The following SERPINB5 variants were observed in gnomAD, a reference collection of about 807,000 sequenced individuals.
SERPINB5 encodes serpin B5.
Under a neutral mutation model 32.2 loss-of-function variants are expected in SERPINB5, and 27 were observed. That is an observed-to-expected ratio of 0.84 (90% CI 0.62 to 1.16). The LOEUF is 1.16. SERPINB5 is among the 50% of genes most tolerant of loss of function. SERPINB5 has a pLI of 0.00. For missense variants in SERPINB5, 388 were observed against 436.3 expected (o/e 0.89, Z 0.99); for synonymous variants, 154 against 157.4 (o/e 0.98, Z 0.16).
intron 5 of SERPINB5, among the ~76,000 whole-genome samples, chr18:63,495,581 A>G (rs1160598091): frequency 2.6e-5 from 4 of 152,246 alleles, no homozygotes; most frequent in Admixed American, 1.3e-4. Context: ...AAATGTTGCA[A>G]TAGTCAATGA....
chr18:63,484,745 T>A, intron 2 of SERPINB5, 149 bp downstream of exon 2: 3 of 438,064 alleles, frequency 6.8e-6, no homozygotes, highest in Non-Finnish European at 1.1e-5. Flanking sequence ...CTTAATCTTT[T>A]TTTTTTTTTT....
intron 5 of SERPINB5, chr18:63,493,425 G>A (rs1909382155): frequency 1.9e-6 from 1 of 525,764 alleles, no homozygotes; most frequent in Non-Finnish European, 3.3e-6. Flanking sequence ...ACCAAACTCT[G>A]TTATCAGAGG....
Position 63,484,576 on chromosome 18 carries a change from A to G in SERPINB5, c.148A>G (p.Thr50Ala). 2 of 1,613,402 alleles carry G rather than the reference A, an allele frequency of 1.2e-6. No individual in the cohort carries two copies. The highest frequency in any genetic ancestry group is 8.5e-7 in the Non-Finnish European group (1 of 1,179,858). Residue 50 changes from threonine (T) to alanine (A), a missense_variant, in exon 2 of 7, where the codon ACT (threonine) becomes GCT (alanine). Transcript: ENST00000382771. ...SLAQVGAKGD[T>A]ANEIGQVLHF... ...TGCTCAAGTGGGTGCTAAAGGTGACACTGCAAATGAAATTGGACAGGTAAG... is the reference window on the plus strand; with the variant it reads ...TGCTCAAGTGGGTGCTAAAGGTGACGCTGCAAATGAAATTGGACAGGTAAG...
At chr18:63,487,131 G>T in intron 3 of SERPINB5, 48 bp downstream of exon 3, 1 of 1,588,126 alleles carries the variant, frequency 6.3e-7, no homozygotes, top group Non-Finnish European at 8.6e-7. Flanking sequence ...TACAAGGAGT[G>T]GCATTTTCAT....
chr18:63,484,739 A>ATATTTTT (rs1474564506), intron 2 of SERPINB5, 143 bp downstream of exon 2: 20 of 144,806 alleles, frequency 1.4e-4, no homozygotes, highest in African/African-American at 5.7e-4. Context: ...GACTCTCTTA[A>ATATTTTT]TCTTTTTTTT....
Position 63,503,836 on chromosome 18 carries a change from C to G in SERPINB5, c.*114C>G. 1 of 1,092,286 alleles carries G rather than the reference C, an allele frequency of 9.2e-7. No individual in the cohort carries two copies. The highest frequency in any genetic ancestry group is 1.6e-5 in the African/African-American group (1 of 63,796). The allele number at this position is 1,092,286 out of a possible 1,614,324, so 67.7% of individuals were successfully genotyped here. A position where few individuals can be genotyped will look rare whatever the true frequency, so the allele number is the denominator to read the frequency against. ...CAATAAATTGCTAATGTTGCTGGAT[C>G]AGGAAGCCGCCAGTACTTGTCATAT... On this transcript the variant is annotated 3_prime_UTR_variant, in exon 7 of 7. Coordinates refer to ENST00000382771, the MANE Select transcript of SERPINB5 (RefSeq NM_002639.5).
At chr18:63,500,750 T>A (rs1909553896) in intron 6 of SERPINB5, among the ~76,000 whole-genome samples, 1 of 152,154 alleles carries the variant, frequency 6.6e-6, no homozygotes, top group African/African-American at 2.4e-5. Flanking sequence ...TCACTTGCTA[T>A]ATATCCACAT....
intron 1 of SERPINB5, among the ~76,000 whole-genome samples, chr18:63,478,040 T>A (rs1224954900): frequency 1.3e-5 from 2 of 152,196 alleles, no homozygotes; most frequent in Admixed American, 6.5e-5. Flanking sequence ...AGGTTTTCGA[T>A]AATGGGTTCC....
intron 3 of SERPINB5, among the ~76,000 whole-genome samples, chr18:63,488,802 G>A (rs559645437): frequency 6.6e-6 from 1 of 152,316 alleles, no homozygotes; most frequent in South Asian, 2.1e-4. Context: ...TTAATTTGCA[G>A]ATGGCACACC....
chr18:63,501,421 G>T (rs9947022), intron 6 of SERPINB5, among the ~76,000 whole-genome samples: 3 of 151,730 alleles, frequency 2.0e-5, no homozygotes, highest in Admixed American at 1.3e-4. Context: ...TATGGGCCAC[G>T]TTTTCTTAAT....
chr18:63,503,899 A>G lies in SERPINB5; in HGVS notation c.*177A>G. ...CAGATAGACCTTTTTTTTTTTTCCAATTCTATCTTTTGTTTCCTTTTTTCC... is the reference window on the plus strand; with the variant it reads ...CAGATAGACCTTTTTTTTTTTTCCAGTTCTATCTTTTGTTTCCTTTTTTCC... On this transcript the variant is annotated 3_prime_UTR_variant, in exon 7 of 7. Transcript: ENST00000382771. The G allele has an allele frequency of 1.7e-6, 1 of 603,686 alleles. No homozygotes were observed. The allele number at this position is 603,686 out of a possible 1,614,324, so 37.4% of individuals were successfully genotyped here.
At chr18:63,495,276 C>T (rs1014332138) in intron 5 of SERPINB5, among the ~76,000 whole-genome samples, 19 of 152,200 alleles carry the variant, frequency 1.2e-4, no homozygotes, top group African/African-American at 4.1e-4. Flanking sequence ...GAGTTTTAAG[C>T]ATGGCTTTTT....
At chr18:63,488,212 G>A (rs1238021556) in intron 3 of SERPINB5, among the ~76,000 whole-genome samples, 1 of 152,172 alleles carries the variant, frequency 6.6e-6, no homozygotes, top group African/African-American at 2.4e-5. Flanking sequence ...GTGACAGTGA[G>A]TCCCAAGGTT....
intron 6 of SERPINB5, 63 bp from the exon 7 acceptor site, chr18:63,503,267 T>G: frequency 6.6e-7 from 1 of 1,504,916 alleles, no homozygotes; most frequent in Non-Finnish European, 8.9e-7. Context: ...TGTTTTCAAT[T>G]GAGCCAGGTC....
rs747826230 is a variant in SERPINB5 at position 63,484,494 on chromosome 18, G to A, written c.66G>A (p.Lys22=). The A allele has an allele frequency of 6.2e-7, 1 of 1,614,154 alleles. No individual in the cohort carries two copies. Among genetic ancestry groups the A allele is most frequent in the Non-Finnish European group, 8.5e-7 (1 of 1,180,018 alleles). Residue 22 remains lysine, a synonymous_variant, in exon 2 of 7, where the codon AAG becomes AAA. Coordinates refer to ENST00000382771, the MANE Select transcript of SERPINB5 (RefSeq NM_002639.5). Reference sequence around the variant, plus strand: ...ATCTGTTCAAACAACTATGTGAAAAGGAGCCACTGGGCAATGTCCTCTTCT... The same window carrying A: ...ATCTGTTCAAACAACTATGTGAAAAAGAGCCACTGGGCAATGTCCTCTTCT... ...AVDLFKQLCE[K]EPLGNVLFSP... is the part of the protein sequence containing the mutation.
chr18:63,503,382 C>T lies in SERPINB5; in HGVS notation c.788C>T (p.Thr263Ile), dbSNP rs749321215. The change falls in exon 7 of 7, where the codon ACC (threonine) becomes ATC (isoleucine). Residue 263 changes from threonine (T) to isoleucine (I), a missense_variant. Transcript: ENST00000382771. Reference sequence around the variant, plus strand: ...CTGTCACAGTGGACTAATCCCAGCACCATGGCCAATGCCAAGGTCAAACTC... The same window carrying T: ...CTGTCACAGTGGACTAATCCCAGCATCATGGCCAATGCCAAGGTCAAACTC... ...ESLSQWTNPSTMANAKVKLSI... is the reference protein window; with the variant it reads ...ESLSQWTNPSIMANAKVKLSI... 1.3e-5 allele frequency: 21 copies of T among 1,614,212 alleles called. No homozygotes were observed. The South Asian group carries it at 2.1e-4, about 16-fold the overall frequency.
intron 5 of SERPINB5, among the ~76,000 whole-genome samples, chr18:63,495,799 C>T (rs1909434667): frequency 6.6e-6 from 1 of 152,196 alleles, no homozygotes; most frequent in Admixed American, 6.5e-5. Context: ...ATTGATCTCT[C>T]AGTGTTTCAC....
chr18:63,493,201 C>A (rs779693499), intron 5 of SERPINB5, 106 bp downstream of exon 5: 19 of 1,489,102 alleles, frequency 1.3e-5, no homozygotes, highest in Non-Finnish European at 1.8e-5. Flanking sequence ...CCTGAGGGCA[C>A]GGCCGGCAAA....
At chr18:63,484,281 T>G (rs932341754) in intron 1 of SERPINB5, 141 bp from the exon 2 acceptor site, 16 of 882,356 alleles carry the variant, frequency 1.8e-5, no homozygotes, top group Non-Finnish European at 2.6e-5. Flanking sequence ...TGATCTTACT[T>G]TTGAATTTAC....
Sources: allele counts gnomAD v4.1 joint callset (sites outside exome capture counted in the v4.1 genomes callset), GRCh38; gene constraint gnomAD v4.1.1; transcripts MANE v1.5; gene names NCBI Gene and HGNC (gene_info 2026-07-23, HGNC 2026-07-21).